Variants in DCAF17 observed in about 807,000 individuals in gnomAD.
The protein encoded by DCAF17 is DDB1- and CUL4-associated factor 17.
In DCAF17, 48 loss-of-function variants were observed where a neutral mutation model predicts 66.0. The ratio of observed to expected loss-of-function variants is 0.73; its 90% CI spans 0.58 to 0.92. DCAF17 has a LOEUF of 0.92. DCAF17 is among the 40% of genes least tolerant of loss of function. The pLI is 0.00. For missense variants in DCAF17, 562 were observed against 622.8 expected (o/e 0.90, Z 1.04); for synonymous variants, 206 against 214.6 (o/e 0.96, Z 0.35).
rs539834426 is a variant in DCAF17, at chr2:171,472,371, G to T, written c.982-1495G>T. 1.7e-4 allele frequency among the ~76,000 whole-genome samples: 26 copies of T among 152,218 alleles called. 1 individual carries two copies. In the South Asian group the frequency reaches 4.8e-3, roughly 28 times the overall value. On this transcript the variant is annotated intron_variant, in intron 9 of 13. Transcript: ENST00000375255. ...TTTTTGTATTTTTAGTAGAAACAGG[G>T]TTTCATCTTGTTGGCCACGCTAGTC...
intron 11 of DCAF17, 117 bp downstream of exon 11, chr2:171,477,067 AG>A: frequency 1.3e-6 from 1 of 772,862 alleles, no homozygotes; most frequent in Non-Finnish European, 2.2e-6. Flanking sequence ...GCCCTATAAA[AG>A]TCTGTACATT....
At chr2:171,467,727 C>CAAAAA (rs34238683) in intron 8 of DCAF17, among the ~76,000 whole-genome samples, 1 of 68,744 alleles carries the variant, frequency 1.5e-5, no homozygotes, top group Non-Finnish European at 2.9e-5. Flanking sequence ...GAGACTGTCT[C>CAAAAA]AAAAAAAAAA....
At chr2:171,472,852 T>C (rs111528974) in intron 9 of DCAF17, 72 of 298,460 alleles carry the variant, frequency 2.4e-4, no homozygotes, top group African/African-American at 1.6e-3. Context: ...AAATATGGCA[T>C]CATTTCATTT....
At chr2:171,450,609 G>A (rs2105755275) in intron 5 of DCAF17, among the ~76,000 whole-genome samples, 1 of 152,182 alleles carries the variant, frequency 6.6e-6, no homozygotes, top group East Asian at 1.9e-4. Flanking sequence ...GATATAGACT[G>A]CTTTTAGAGG....
intron 10 of DCAF17, 109 bp downstream of exon 10, chr2:171,474,084 C>A: frequency 5.7e-6 from 5 of 882,422 alleles, no homozygotes; most frequent in Non-Finnish European, 9.3e-6. Context: ...AAATAATTAG[C>A]TTGTTGTTGG....
intron 9 of DCAF17, among the ~76,000 whole-genome samples, chr2:171,473,429 A>C (rs1696351743): frequency 6.6e-6 from 1 of 151,944 alleles, no homozygotes; most frequent in African/African-American, 2.4e-5. Flanking sequence ...ACATAGCGAG[A>C]CTCTATCTCT....
rs1299972992 is a variant in DCAF17, at chr2:171,484,113, A to G, written c.*2999A>G. 2 of 453,462 alleles carry G rather than the reference A, an allele frequency of 4.4e-6. No individual in the cohort carries two copies. The allele number at this position is 453,462 out of a possible 1,614,324, so 28.1% of individuals were successfully genotyped here. Reference sequence around the variant, plus strand: ...CAATGGTTAGCAGTCATTAAAAGGTACTTTCCCTTTGTTTGTGGTGATAAT... The same window carrying G: ...CAATGGTTAGCAGTCATTAAAAGGTGCTTTCCCTTTGTTTGTGGTGATAAT... On this transcript the variant is annotated 3_prime_UTR_variant, in exon 14 of 14. Coordinates refer to ENST00000375255, the MANE Select transcript of DCAF17 (RefSeq NM_025000.4).
chr2:171,445,612 G>A (rs1314608110), intron 3 of DCAF17, among the ~76,000 whole-genome samples: 3 of 152,152 alleles, frequency 2.0e-5, no homozygotes, highest in Non-Finnish European at 4.4e-5. Context: ...TATTTCGAAC[G>A]TATTATATTT....
At chr2:171,460,306 G>A (rs1695505130) in intron 8 of DCAF17, among the ~76,000 whole-genome samples, 2 of 139,552 alleles carry the variant, frequency 1.4e-5, no homozygotes, top group African/African-American at 2.7e-5. Context: ...CTGGGCGATT[G>A]AGCGAGATTC....
chr2:171,454,613 T>TC (rs1695141470), intron 6 of DCAF17, among the ~76,000 whole-genome samples: 1 of 152,074 alleles, frequency 6.6e-6, no homozygotes, highest in African/African-American at 2.4e-5. Context: ...TATGTTTGAA[T>TC]TGGCCTGGTG....
At chr2:171,465,649 G>GT (rs1313037241) in intron 8 of DCAF17, among the ~76,000 whole-genome samples, 7 of 151,566 alleles carry the variant, frequency 4.6e-5, no homozygotes, top group African/African-American at 2.4e-5. Flanking sequence ...CTGGCTAATT[G>GT]TTTTTTTGTA....
At chr2:171,439,325 T>A (rs1413705250) in intron 2 of DCAF17, among the ~76,000 whole-genome samples, 2 of 152,130 alleles carry the variant, frequency 1.3e-5, no homozygotes, top group Non-Finnish European at 2.9e-5. Context: ...CCTGTAATAC[T>A]TGAATATTCT....
At chr2:171,440,109 A>G (rs1463488003) in intron 2 of DCAF17, among the ~76,000 whole-genome samples, 2 of 152,160 alleles carry the variant, frequency 1.3e-5, no homozygotes. Flanking sequence ...AACTACAGTC[A>G]CATACCATCG....
At position 171,457,979 on chromosome 2, in the gene DCAF17, G is replaced by T; in HGVS notation, c.636G>T (p.Gly212=). 6.2e-7 allele frequency: 1 copy of T among 1,613,966 alleles called. No homozygotes were observed. The highest frequency in any genetic ancestry group is 1.1e-5 in the South Asian group (1 of 91,062). Residue 212 remains glycine (G), a synonymous_variant, in exon 7 of 14, where the codon GGG becomes GGT. Coordinates refer to ENST00000375255, the MANE Select transcript of DCAF17 (RefSeq NM_025000.4). ...GTCTTTCCCCCCGCCAGATTTTTGG[G>T]AACGTTACAGATGCTACCTTGTCTC... is the stretch of plus-strand genomic sequence containing the variant. ...GILEINKKIF[G]NVTDATLSHG... is the part of the protein sequence containing the mutation.
In DCAF17 at chr2:171,443,633, C is replaced by G. The variant is rs202131890; in HGVS notation, c.321+20C>G. The G allele has an allele frequency of 6.3e-7, 1 of 1,592,124 alleles. No individual in the cohort carries two copies. The highest frequency in any genetic ancestry group is 8.6e-7 in the Non-Finnish European group (1 of 1,160,746). ...CCAGTGGTAAGATTTGTTTTTAGAGCGTTTGTTTCTAAAGCATTTTTAGCC... is the reference window on the plus strand; with the variant it reads ...CCAGTGGTAAGATTTGTTTTTAGAGGGTTTGTTTCTAAAGCATTTTTAGCC... On this transcript the variant is annotated intron_variant, in intron 3 of 13. Coordinates refer to ENST00000375255, the MANE Select transcript of DCAF17 (RefSeq NM_025000.4).
intron 5 of DCAF17, among the ~76,000 whole-genome samples, chr2:171,451,875 C>T (rs1372236395): frequency 6.6e-6 from 1 of 152,116 alleles, no homozygotes; most frequent in Non-Finnish European, 1.5e-5. Flanking sequence ...AAGTTTAATT[C>T]TATACGTTAT....
intron 12 of DCAF17, among the ~76,000 whole-genome samples, chr2:171,479,318 G>C (rs1696636492): frequency 6.6e-6 from 1 of 152,146 alleles, no homozygotes; most frequent in African/African-American, 2.4e-5. Flanking sequence ...GTACCTTCCT[G>C]TGGTCTATTC....
chr2:171,437,109 T>C (rs1694019403), intron 2 of DCAF17, among the ~76,000 whole-genome samples: 1 of 152,196 alleles, frequency 6.6e-6, no homozygotes, highest in African/African-American at 2.4e-5. Flanking sequence ...CCAATTTATC[T>C]AAATTTTTTT....
At chr2:171,473,221 G>A (rs946583855) in intron 9 of DCAF17, among the ~76,000 whole-genome samples, 1 of 152,196 alleles carries the variant, frequency 6.6e-6, no homozygotes, top group Non-Finnish European at 1.5e-5. Flanking sequence ...GGAAGAAGTT[G>A]TGGAGAACTG....
Sources: gnomAD v4.1 joint callset for allele counts (sites outside exome capture counted in the v4.1 genomes callset) on GRCh38, gnomAD v4.1.1 for gene constraint, MANE v1.5 for transcripts, NCBI Gene and HGNC (gene_info 2026-07-23, HGNC 2026-07-21) for gene names.